The following PAX7 variants were observed in gnomAD, a reference collection of about 807,000 sequenced individuals.
PAX7 encodes paired box 7, also known as paired box protein Pax-7.
A neutral mutation model predicts 50.7 loss-of-function variants in PAX7; 18 were observed. The ratio of observed to expected loss-of-function variants is 0.36; its 90% CI spans 0.25 to 0.53. PAX7 has a LOEUF of 0.53. Among genes scored for constraint, PAX7 ranks in the 20% least tolerant of loss-of-function variants. The pLI is 0.93. For synonymous variants in PAX7, 310 were observed against 290.4 expected, an observed-to-expected ratio of 1.07 and a Z score of -0.69; for missense variants, 644 against 702.9, an observed-to-expected ratio of 0.92 and a Z score of 0.95.
At chr1:18,672,435 G>A (rs370518113) in intron 4 of PAX7, among the ~76,000 whole-genome samples, 15 of 151,984 alleles carry the variant, frequency 9.9e-5, no homozygotes, top group Non-Finnish European at 1.5e-4. Flanking sequence ...GTAAGGGTGC[G>A]CCATGCACCC....
At chr1:18,728,598 C>A (rs556344736) in intron 7 of PAX7, among the ~76,000 whole-genome samples, 4 of 151,944 alleles carry the variant, frequency 2.6e-5, no homozygotes, top group African/African-American at 9.7e-5. Flanking sequence ...TCGTGGCTCA[C>A]GCCTGTAGTC....
chr1:18,662,705 G>T (rs2088617359), intron 4 of PAX7, among the ~76,000 whole-genome samples: 1 of 152,038 alleles, frequency 6.6e-6, no homozygotes, highest in Non-Finnish European at 1.5e-5. Flanking sequence ...CGAGTAGCTG[G>T]GGTTACAGGG....
intron 4 of PAX7, among the ~76,000 whole-genome samples, chr1:18,672,313 A>G (rs57489721): frequency 0.12 from 17,763 of 152,244 alleles, 1,241 homozygotes; most frequent in East Asian, 0.28. Flanking sequence ...CTCTGAGACC[A>G]CCAAGCCATC....
At chr1:18,667,549 C>A (rs1009476691) in intron 4 of PAX7, among the ~76,000 whole-genome samples, 2 of 151,948 alleles carry the variant, frequency 1.3e-5, no homozygotes, top group African/African-American at 4.8e-5. Flanking sequence ...GCCAGGAGGA[C>A]AAATCACAGA....
At chr1:18,725,381 G>A (rs1035042015) in intron 7 of PAX7, among the ~76,000 whole-genome samples, 4 of 151,976 alleles carry the variant, frequency 2.6e-5, no homozygotes, top group African/African-American at 9.7e-5. Flanking sequence ...ACCTGGGCGG[G>A]GGACCAGAGT....
At chr1:18,689,922 T>C (rs2089042709) in intron 4 of PAX7, among the ~76,000 whole-genome samples, 1 of 152,200 alleles carries the variant, frequency 6.6e-6, no homozygotes, top group Non-Finnish European at 1.5e-5. Flanking sequence ...CTAGGCCTAT[T>C]CCTATAATTA....
At chr1:18,637,159 T>G (rs1394250648) in intron 4 of PAX7, among the ~76,000 whole-genome samples, 3 of 152,020 alleles carry the variant, frequency 2.0e-5, no homozygotes, top group African/African-American at 7.2e-5. Context: ...AAGGAGGGCG[T>G]TTAGTTTTCA....
At chr1:18,659,021 T>A (rs1158418739) in intron 4 of PAX7, among the ~76,000 whole-genome samples, 1 of 152,116 alleles carries the variant, frequency 6.6e-6, no homozygotes, top group Admixed American at 6.6e-5. Context: ...AATGTGTGCA[T>A]GCCTGTATGT....
intron 4 of PAX7, among the ~76,000 whole-genome samples, chr1:18,664,633 A>T (rs1027685625): frequency 1.1e-4 from 17 of 152,172 alleles, no homozygotes; most frequent in African/African-American, 4.1e-4. Flanking sequence ...GGCTCAGAGG[A>T]TGACATCCGT....
At chr1:18,717,399 C>A (rs2089440295) in intron 7 of PAX7, among the ~76,000 whole-genome samples, 1 of 152,218 alleles carries the variant, frequency 6.6e-6, no homozygotes. Context: ...GTTCCCCACC[C>A]GTTCATTAGT....
At chr1:18,717,943 A>G (rs1214075524) in intron 7 of PAX7, among the ~76,000 whole-genome samples, 4 of 152,192 alleles carry the variant, frequency 2.6e-5, no homozygotes. Flanking sequence ...TACCGTCTTG[A>G]CGGCCAGCTG....
At chr1:18,707,412 T>C (rs1038192609) in intron 7 of PAX7, among the ~76,000 whole-genome samples, 4 of 54,086 alleles carry the variant, frequency 7.4e-5, no homozygotes, top group Non-Finnish European at 1.5e-4. Flanking sequence ...TCTTTTTTTC[T>C]TTCTTTTTTT....
intron 7 of PAX7, among the ~76,000 whole-genome samples, chr1:18,706,750 T>C (rs972724133): frequency 6.6e-6 from 1 of 152,194 alleles, no homozygotes; most frequent in Non-Finnish European, 1.5e-5. Context: ...CCCAAAGTGC[T>C]GGTATTACAG....
intron 7 of PAX7, among the ~76,000 whole-genome samples, chr1:18,728,718 A>C (rs2089609974): frequency 7.1e-6 from 1 of 141,140 alleles, no homozygotes; most frequent in Non-Finnish European, 1.6e-5. Context: ...AAAAAAAATT[A>C]GCCGGGCTTG....
At chr1:18,696,219 C>T (rs530439890) in intron 5 of PAX7, among the ~76,000 whole-genome samples, 1 of 152,232 alleles carries the variant, frequency 6.6e-6, no homozygotes, top group South Asian at 2.1e-4. Flanking sequence ...GTGCCCACCA[C>T]CATGCCTGGC....
chr1:18,637,174 C>T (rs1234893682), intron 4 of PAX7, among the ~76,000 whole-genome samples: 3 of 152,190 alleles, frequency 2.0e-5, no homozygotes, highest in African/African-American at 7.2e-5. Context: ...TTTTCAAGCG[C>T]CCGGAAGCCC....
chr1:18,729,615 G>A (rs188012526), intron 7 of PAX7, among the ~76,000 whole-genome samples: 6 of 152,314 alleles, frequency 3.9e-5, no homozygotes, highest in South Asian at 2.1e-4. Flanking sequence ...TGGACTCATC[G>A]TCCTGGATTC....
At chr1:18,663,393 T>G (rs2088626307) in intron 4 of PAX7, among the ~76,000 whole-genome samples, 1 of 152,206 alleles carries the variant, frequency 6.6e-6, no homozygotes, top group South Asian at 2.1e-4. Flanking sequence ...TTGTTCTGTT[T>G]TGTTTTTGAG....
At chr1:18,672,130 C>A (rs1396119653) in intron 4 of PAX7, among the ~76,000 whole-genome samples, 4 of 152,172 alleles carry the variant, frequency 2.6e-5, no homozygotes, top group Non-Finnish European at 5.9e-5. Flanking sequence ...TCCTCATTCA[C>A]CAAGGTGATC....
Sources: allele counts gnomAD v4.1 joint callset (sites outside exome capture counted in the v4.1 genomes callset), GRCh38; gene constraint gnomAD v4.1.1; transcripts MANE v1.5; gene names NCBI Gene and HGNC (gene_info 2026-07-23, HGNC 2026-07-21).